Variants in XXYLT1 observed in about 807,000 individuals in gnomAD.
XXYLT1 encodes the protein UDP-xylose:alpha-xyloside alpha-1,3-xylosyltransferase.
Under a neutral mutation model 28.9 loss-of-function variants are expected in XXYLT1, and 20 were observed. The observed-to-expected ratio is 0.69, with a 90% CI of 0.49 to 1.00. XXYLT1 has a LOEUF of 1.00. Among genes scored for constraint, XXYLT1 ranks in the 50% least tolerant of loss-of-function variants. XXYLT1 has a pLI of 0.00. For synonymous variants in XXYLT1, 257 were observed against 253.8 expected (o/e 1.01, Z -0.12); for missense variants, 542 against 560.1 (o/e 0.97, Z 0.33).
Position 195,247,621 on chromosome 3 carries a change from G to A in XXYLT1, c.505-20765C>T, listed in dbSNP as rs1725081121. The stretch of plus-strand genomic sequence containing the variant: ...TTGGGGACACAGCTGGAGCCCAAGG[G>A]GGAGAGCCATGATCCCCAGACAGCC... On this transcript the variant is annotated intron_variant, in intron 1 of 3. Coordinates refer to ENST00000310380, the MANE Select transcript of XXYLT1 (RefSeq NM_152531.5). 4 of 538,634 alleles carry A rather than the reference G, an allele frequency of 7.4e-6. No homozygotes were observed. In the South Asian group the frequency reaches 9.1e-5, roughly 12 times the overall value. 33.4% of individuals were successfully genotyped at this position (538,634 alleles called of 1,614,324 possible). A position where few individuals can be genotyped will look rare whatever the true frequency, so the allele number is the denominator to read the frequency against.
At chr3:195,094,991 GA>G (rs1411059649) in intron 3 of XXYLT1, among the ~76,000 whole-genome samples, 4 of 152,206 alleles carry the variant, frequency 2.6e-5, no homozygotes, top group African/African-American at 7.2e-5. Flanking sequence ...CTGTGCGGGG[GA>G]AATGTGTGTC....
At chr3:195,092,454 G>T (rs1716169143) in intron 3 of XXYLT1, among the ~76,000 whole-genome samples, 1 of 146,218 alleles carries the variant, frequency 6.8e-6, no homozygotes, top group Non-Finnish European at 1.5e-5. Flanking sequence ...AATAAATGGT[G>T]CTGGGAAAAC....
chr3:195,230,224 T>G (rs1724240495), intron 1 of XXYLT1, among the ~76,000 whole-genome samples: 1 of 152,136 alleles, frequency 6.6e-6, no homozygotes, highest in Admixed American at 6.6e-5. Flanking sequence ...AATTTTTAAT[T>G]AGATTATTAA....
chr3:195,176,180 C>T lies in XXYLT1; in HGVS notation c.653-19599G>A, dbSNP rs1177393921. Among the ~76,000 whole-genome samples, 1 of 152,192 alleles carries T rather than the reference C, an allele frequency of 6.6e-6. No individual in the cohort carries two copies. Among genetic ancestry groups the T allele is most frequent in the Non-Finnish European group, 1.5e-5 (1 of 68,024 alleles). ...CAGATGATCCTCCCACCTCAGCCTC[C>T]CAAGTGGCTGGGACTACAGGTGTGT... On this transcript the variant is annotated intron_variant, in intron 2 of 3. Coordinates refer to ENST00000310380, the MANE Select transcript of XXYLT1 (RefSeq NM_152531.5). This position sits in a 1 kb window ranked among gnomAD's most constrained non-coding sequence, Gnocchi z 4.9.
In XXYLT1 at chr3:195,196,750, C is replaced by T. The variant is rs181062935; in HGVS notation, c.652+29959G>A. On this transcript the variant is annotated intron_variant, in intron 2 of 3. Coordinates refer to ENST00000310380, the MANE Select transcript of XXYLT1 (RefSeq NM_152531.5). ...GTAACAGGATAAGAAAAGAAGATAA[C>T]TGAAAACGGCTTTGTACAAATTAAA... 3.3e-5 allele frequency among the ~76,000 whole-genome samples: 5 copies of T among 152,224 alleles called. No homozygotes were observed. In the East Asian group the frequency reaches 7.7e-4, roughly 23 times the overall value.
intron 3 of XXYLT1, among the ~76,000 whole-genome samples, chr3:195,079,395 G>T (rs1426995355): frequency 6.6e-6 from 1 of 152,196 alleles, no homozygotes; most frequent in Non-Finnish European, 1.5e-5. Context: ...ATGCATACAT[G>T]AGAGAAAGAC....
At chr3:195,215,640 C>T (rs1723539663) in intron 2 of XXYLT1, among the ~76,000 whole-genome samples, 1 of 147,162 alleles carries the variant, frequency 6.8e-6, no homozygotes, top group Non-Finnish European at 1.5e-5. Flanking sequence ...AATATATATG[C>T]ACCCAATACA....
At chr3:195,140,613 AT>A (rs1413021774) in intron 3 of XXYLT1, among the ~76,000 whole-genome samples, 1 of 152,136 alleles carries the variant, frequency 6.6e-6, no homozygotes, top group Non-Finnish European at 1.5e-5. Context: ...AAGCAAGCAC[AT>A]CTGCACATGG....
At chr3:195,113,159 G>A (rs551103131) in intron 3 of XXYLT1, among the ~76,000 whole-genome samples, 1 of 152,330 alleles carries the variant, frequency 6.6e-6, no homozygotes, top group African/African-American at 2.4e-5. Flanking sequence ...TCCTTGGTCC[G>A]TGGACCTTCC....
At chr3:195,087,400 C>T (rs1715791931) in intron 3 of XXYLT1, 2 of 152,298 alleles carry the variant, frequency 1.3e-5, no homozygotes, top group African/African-American at 4.8e-5. Flanking sequence ...TGGGGTGCTC[C>T]CTGTGAAAGC....
chr3:195,112,631 A>C (rs368283352), intron 3 of XXYLT1, among the ~76,000 whole-genome samples: 108 of 136,504 alleles, frequency 7.9e-4, no homozygotes, highest in African/African-American at 2.4e-3. Context: ...GCACACACAC[A>C]CCCCCATGCA....
At chr3:195,260,417 G>T (rs1266773916) in intron 1 of XXYLT1, among the ~76,000 whole-genome samples, 1 of 152,194 alleles carries the variant, frequency 6.6e-6, no homozygotes, top group Non-Finnish European at 1.5e-5. Context: ...CTGCACCGGA[G>T]CCCCCATCCG....
intron 2 of XXYLT1, chr3:195,175,480 G>A (rs987808771): frequency 1.5e-6 from 2 of 1,332,990 alleles, no homozygotes; most frequent in Non-Finnish European, 2.0e-6. Context: ...TTGGGGAGAG[G>A]ACGACAATGA....
intron 2 of XXYLT1, among the ~76,000 whole-genome samples, chr3:195,171,199 T>A (rs937927688): frequency 2.0e-5 from 3 of 152,188 alleles, no homozygotes; most frequent in Admixed American, 6.5e-5. Context: ...GAACTGGGCA[T>A]GGAAAGAGCT....
At chr3:195,122,417 A>T (rs911619703) in intron 3 of XXYLT1, among the ~76,000 whole-genome samples, 2 of 152,164 alleles carry the variant, frequency 1.3e-5, no homozygotes, top group African/African-American at 4.8e-5. Flanking sequence ...GCTGGAATGT[A>T]GTACTGAGTA....
intron 3 of XXYLT1, among the ~76,000 whole-genome samples, chr3:195,126,810 G>C (rs1181447482): frequency 6.6e-6 from 1 of 152,208 alleles, no homozygotes; most frequent in Non-Finnish European, 1.5e-5. Flanking sequence ...CCTCCCAGGG[G>C]CCCTCTGCTC....
At chr3:195,183,148 T>C (rs780924098) in intron 2 of XXYLT1, among the ~76,000 whole-genome samples, 1 of 152,212 alleles carries the variant, frequency 6.6e-6, no homozygotes, top group South Asian at 2.1e-4. Context: ...ATTACCCTGT[T>C]CCACTCACTG....
At chr3:195,250,808 G>A (rs1725222841) in intron 1 of XXYLT1, among the ~76,000 whole-genome samples, 1 of 152,104 alleles carries the variant, frequency 6.6e-6, no homozygotes, top group Non-Finnish European at 1.5e-5. Context: ...TACAAGGCAG[G>A]GACTTTTCAC....
rs199882045 is a variant in XXYLT1, at chr3:195,145,411, T to C, written c.785+11038A>G. 2.7e-5 allele frequency among the ~76,000 whole-genome samples: 4 copies of C among 146,816 alleles called. No homozygotes were observed. In the East Asian group the frequency reaches 8.2e-4, roughly 30 times the overall value. On this transcript the variant is annotated intron_variant, in intron 3 of 3. Transcript: ENST00000310380. ...CTGCGAGCATCTCTGTGAAGTCACA[T>C]GAACGGGCACCTCACTCCACGGTGA...
Sources: allele counts gnomAD v4.1 joint callset (sites outside exome capture counted in the v4.1 genomes callset), GRCh38; gene constraint gnomAD v4.1.1; non-coding constraint Gnocchi (gnomAD v3.1); transcripts MANE v1.5; gene names NCBI Gene and HGNC (gene_info 2026-07-23, HGNC 2026-07-21).